DYRK1A: variants seen among roughly 807,000 people sequenced by gnomAD.
DYRK1A encodes the protein dual specificity tyrosine phosphorylation regulated kinase 1A.
Under a neutral mutation model 79.7 loss-of-function variants are expected in DYRK1A, and 9 were observed. That is an observed-to-expected ratio of 0.11 (90% CI 0.07 to 0.20). The LOEUF is 0.20. DYRK1A is among the 10% of genes least tolerant of loss of function. The pLI is 1.00. For synonymous variants in DYRK1A, 349 were observed against 329.7 expected, an observed-to-expected ratio of 1.06 and a Z score of -0.63; for missense variants, 622 against 956.0, an observed-to-expected ratio of 0.65 and a Z score of 4.61.
At chr21:37,399,660 T>C (rs1235774082) in intron 1 of DYRK1A, among the ~76,000 whole-genome samples, 1 of 152,168 alleles carries the variant, frequency 6.6e-6, no homozygotes, top group Non-Finnish European at 1.5e-5. Context: ...TAGCTCAGTG[T>C]TGGGTTTCAC....
intron 2 of DYRK1A, among the ~76,000 whole-genome samples, chr21:37,467,023 A>G (rs188271647): frequency 1.1e-4 from 17 of 151,800 alleles, no homozygotes; most frequent in African/African-American, 2.7e-4. Flanking sequence ...AGCAGAAAAT[A>G]GAAAATCTGA....
In DYRK1A at chr21:37,511,968, G is replaced by C. The variant is rs771373401; in HGVS notation, c.1702G>C (p.Val568Leu). Reference sequence around the variant, plus strand: ...GTCAGGCACTGAAGCTCCTACACAGGTCACTGTTGAAACTCATCCTGTTCA... The same window carrying C: ...GTCAGGCACTGAAGCTCCTACACAGCTCACTGTTGAAACTCATCCTGTTCA... ...GWSGTEAPTQVTVETHPVQET... is the reference protein window; with the variant it reads ...GWSGTEAPTQLTVETHPVQET... Residue 568 changes from valine to leucine, a missense_variant, in exon 12 of 12, where the codon GTC (valine) becomes CTC (leucine). Transcript: ENST00000647188. 13 of 1,613,976 alleles carry C rather than the reference G, an allele frequency of 8.1e-6. 1 individual carries two copies. The Admixed American group carries it at 1.7e-4, about 21-fold the overall frequency.
chr21:37,404,691 G>A (rs2050117117), intron 1 of DYRK1A, among the ~76,000 whole-genome samples: 1 of 152,184 alleles, frequency 6.6e-6, no homozygotes, highest in Non-Finnish European at 1.5e-5. Flanking sequence ...ACAGTCTTGG[G>A]CTACCATTTG....
chr21:37,507,452 C>T (rs11702000), intron 11 of DYRK1A, among the ~76,000 whole-genome samples: 11,502 of 152,178 alleles, frequency 0.076, 640 homozygotes, highest in Non-Finnish European at 0.11. Context: ...TGGTCTTTGT[C>T]TCTTTACCCT....
chr21:37,423,423 C>T (rs1276300446), intron 2 of DYRK1A, among the ~76,000 whole-genome samples: 1 of 152,054 alleles, frequency 6.6e-6, no homozygotes, highest in African/African-American at 2.4e-5. Context: ...CACAAGTAAC[C>T]AAATTCAGTT....
At chr21:37,417,233 C>T (rs1377470851) in intron 1 of DYRK1A, among the ~76,000 whole-genome samples, 1 of 152,058 alleles carries the variant, frequency 6.6e-6, no homozygotes, top group African/African-American at 2.4e-5. Context: ...TCTTGTTGCC[C>T]AGGCTGGAGT....
chr21:37,477,983 G>C (rs1311149227), intron 3 of DYRK1A, among the ~76,000 whole-genome samples: 1 of 152,208 alleles, frequency 6.6e-6, no homozygotes, highest in Non-Finnish European at 1.5e-5. Context: ...GCCTCAGGCA[G>C]CTGGGCATAT....
At chr21:37,406,953 T>A (rs1276339140) in intron 1 of DYRK1A, among the ~76,000 whole-genome samples, 2 of 145,604 alleles carry the variant, frequency 1.4e-5, no homozygotes, top group Non-Finnish European at 3.0e-5. Context: ...TTTTTTTTTT[T>A]AAAGTCATCT....
chr21:37,366,007 T>G (rs1181583914), upstream of DYRK1A: 3 of 151,998 alleles, frequency 2.0e-5, no homozygotes, highest in East Asian at 5.8e-4. Flanking sequence ...CGGCGCAGCG[T>G]CCGGAATTCC....
At chr21:37,439,233 G>T (rs936244554) in intron 2 of DYRK1A, among the ~76,000 whole-genome samples, 1 of 152,146 alleles carries the variant, frequency 6.6e-6, no homozygotes, top group African/African-American at 2.4e-5. Context: ...TTCCTATGAT[G>T]AGAGACAATT....
Position 37,512,078 on chromosome 21 carries a change from C to CCACCAT in DYRK1A, c.1818_1823dup (p.His609_His610dup), listed in dbSNP as rs1454191120. ...GTTCCCATCACCATCACCACCACCA[C>CCACCAT]CACCATCACCACCACCATGGACAAC... On this transcript the variant is annotated inframe_insertion, in exon 12 of 12. Transcript: ENST00000647188. The CCACCAT allele has an allele frequency of 1.9e-5, 31 of 1,613,898 alleles. No individual in the cohort carries two copies. The highest frequency in any genetic ancestry group is 2.4e-5 in the Non-Finnish European group (28 of 1,179,984).
chr21:37,490,325 C>T lies in DYRK1A; in HGVS notation c.788C>T (p.Ala263Val). The change falls in exon 7 of 12, where the codon GCA becomes GTA. Residue 263 changes from alanine to valine, a missense_variant. Physicochemically the swap from Ala to Val is moderately conservative, Grantham distance 64. Coordinates refer to ENST00000647188, the MANE Select transcript of DYRK1A (RefSeq NM_001347721.2). ...AAGTTTGCGCAACAGATGTGCACTG[C>T]ACTGCTTTTCCTTGCGACTCCAGAA... The part of the protein sequence containing the change: ...TRKFAQQMCT[A>V]LLFLATPELS... 1 of 1,613,788 alleles carries T rather than the reference C, an allele frequency of 6.2e-7. No individual in the cohort carries two copies. Among genetic ancestry groups the T allele is most frequent in the South Asian group, 1.1e-5 (1 of 91,072 alleles).
chr21:37,423,297 C>T (rs1049231667), intron 2 of DYRK1A, among the ~76,000 whole-genome samples: 2 of 152,120 alleles, frequency 1.3e-5, no homozygotes, highest in African/African-American at 4.8e-5. Context: ...CTGGATGCCT[C>T]TCCCGCATAT....
intron 1 of DYRK1A, among the ~76,000 whole-genome samples, chr21:37,371,165 A>T (rs1220196394): frequency 6.6e-6 from 1 of 152,204 alleles, no homozygotes; most frequent in Non-Finnish European, 1.5e-5. Flanking sequence ...ATCTTGCCTT[A>T]TGTCAGTGCT....
intron 1 of DYRK1A, among the ~76,000 whole-genome samples, chr21:37,405,817 G>C (rs960208868): frequency 1.3e-5 from 2 of 152,148 alleles, no homozygotes; most frequent in African/African-American, 4.8e-5. Context: ...CCACGAGGTA[G>C]AGGCACAGTG....
intron 11 of DYRK1A, among the ~76,000 whole-genome samples, chr21:37,510,563 A>G (rs913024380): frequency 5.9e-5 from 9 of 152,238 alleles, no homozygotes; most frequent in Non-Finnish European, 1.2e-4. Flanking sequence ...GATAGGATGT[A>G]TTAATTAGAA....
In DYRK1A at chr21:37,493,975, C is replaced by G. The variant is rs1212342330; in HGVS notation, c.1071+812C>G. On this transcript the variant is annotated intron_variant, in intron 8 of 11. Transcript: ENST00000647188. ...TTTTTCCCGGAGATGGAGTCTTGCT[C>G]TGTCACTCAGGCTGGAGTATAGTGG... 3.9e-5 allele frequency among the ~76,000 whole-genome samples: 5 copies of G among 129,764 alleles called. No homozygotes were observed. In the East Asian group the frequency reaches 1.1e-3, roughly 29 times the overall value. 85.1% of individuals were successfully genotyped at this position (129,764 alleles called of 152,430 possible).
chr21:37,384,079 C>G (rs954882557), intron 1 of DYRK1A, among the ~76,000 whole-genome samples: 1 of 152,084 alleles, frequency 6.6e-6, no homozygotes, highest in Non-Finnish European at 1.5e-5. Flanking sequence ...CAGTTTTCTG[C>G]TTGAAGGCAC....
At chr21:37,479,622 T>TTTTTTTTTTTTTTTTTTTTTTG in intron 4 of DYRK1A, among the ~76,000 whole-genome samples, 1 of 105,728 alleles carries the variant, frequency 9.5e-6, no homozygotes, top group Non-Finnish European at 1.8e-5. Context: ...GTTTTTTGTT[T>TTTTTTTTTTTTTTTTTTTTTTG]TTTTTTTTTT....
Sources: allele counts gnomAD v4.1 joint callset (sites outside exome capture counted in the v4.1 genomes callset), GRCh38; gene constraint gnomAD v4.1.1; transcripts MANE v1.5; gene names NCBI Gene and HGNC (gene_info 2026-07-23, HGNC 2026-07-21).